The following FAT1 variants were observed in gnomAD, a reference collection of about 807,000 sequenced individuals.
FAT1 encodes FAT atypical cadherin 1, also known as protocadherin Fat 1.
FAT1 carries 171 observed loss-of-function variants against 329.8 expected under a neutral mutation model. That is an observed-to-expected ratio of 0.52 (90% CI 0.46 to 0.59). FAT1 has a LOEUF of 0.59. Among genes scored for constraint, FAT1 ranks in the 20% least tolerant of loss-of-function variants. FAT1 has a pLI of 0.00. For synonymous variants in FAT1, 2,233 were observed against 2,228.6 expected, an observed-to-expected ratio of 1.00 and a Z score of -0.06; for missense variants, 5,672 against 5,774.4, an observed-to-expected ratio of 0.98 and a Z score of 0.57.
upstream of FAT1, among the ~76,000 whole-genome samples, chr4:186,726,169 C>T (rs1170699219): frequency 2.0e-5 from 3 of 152,264 alleles, no homozygotes; most frequent in African/African-American, 7.2e-5. Context: ...ACTCCCAAAG[C>T]TATGCATACG....
At position 186,613,254 on chromosome 4, in the gene FAT1, G is replaced by C. The variant is rs768289698; in HGVS notation, c.9318C>G (p.Phe3106Leu). 1.7e-5 allele frequency: 28 copies of C among 1,613,994 alleles called. No individual in the cohort carries two copies. The highest frequency in any genetic ancestry group is 9.9e-5 in the South Asian group (9 of 91,084). ...GCGTGAGCACAATACTGGCTTGGCA[G>C]AATCTTCCTCCTCCATCTGTGGCCC... ...LVRATDGGGR[F>L]CQASIVLTLE... Residue 3106 changes from phenylalanine to leucine, a missense_variant, in exon 13 of 27, where the codon TTC (phenylalanine) becomes TTG (leucine). By Grantham distance (22) the Phe-to-Leu change is conservative. This residue lies in a region of FAT1 where 3,966 missense variants were observed against 3,915.2 expected (regional missense o/e 1.01). Transcript: ENST00000441802.
At chr4:186,657,416 A>G (rs1208673386) in intron 3 of FAT1, among the ~76,000 whole-genome samples, 1 of 152,208 alleles carries the variant, frequency 6.6e-6, no homozygotes, top group Non-Finnish European at 1.5e-5. Context: ...TCACCAAGAT[A>G]AAATTCCAGG....
At chr4:186,614,884 C>T (rs1034364941) in intron 11 of FAT1, among the ~76,000 whole-genome samples, 1 of 152,120 alleles carries the variant, frequency 6.6e-6, no homozygotes, top group African/African-American at 2.4e-5. Flanking sequence ...CCTTCTACTG[C>T]CCTGCGTGAT....
chr4:186,678,877 A>G (rs1474080242), intron 2 of FAT1, among the ~76,000 whole-genome samples: 1 of 152,158 alleles, frequency 6.6e-6, no homozygotes, highest in African/African-American at 2.4e-5. Context: ...TTATTCTACT[A>G]TAAAGACACA....
At chr4:186,641,744 C>A (rs1741105712) in intron 3 of FAT1, among the ~76,000 whole-genome samples, 1 of 152,202 alleles carries the variant, frequency 6.6e-6, no homozygotes, top group Admixed American at 6.5e-5. Context: ...TGGTGGCTCA[C>A]ACCTGTAATC....
Position 186,621,283 on chromosome 4 carries a change from G to A in FAT1, c.5303C>T (p.Ala1768Val), listed in dbSNP as rs1204880801. The A allele has an allele frequency of 1.2e-6, 2 of 1,613,876 alleles. No homozygotes were observed. Among genetic ancestry groups the A allele is most frequent in the African/African-American group, 2.7e-5 (2 of 74,912 alleles). Residue 1768 changes from alanine to valine, a missense_variant, in exon 10 of 27, where the codon GCA (alanine) becomes GTA (valine). Transcript: ENST00000441802. Reference sequence around the variant, plus strand: ...TTCACTAATGAGTCCTGTATATTCTGCCTGCATAAAAACTGGCGCGTTGTC... The same window carrying A: ...TTCACTAATGAGTCCTGTATATTCTACCTGCATAAAAACTGGCGCGTTGTC... ...ENDNAPVFMQAEYTGLISESA... is the reference protein window; with the variant it reads ...ENDNAPVFMQVEYTGLISESA...
intron 25 of FAT1, 100 bp from the exon 26 acceptor site, chr4:186,595,926 G>A: frequency 8.1e-7 from 1 of 1,232,030 alleles, no homozygotes; most frequent in South Asian, 1.4e-5. Flanking sequence ...GATGGCCTGA[G>A]ATTTACTCAA....
chr4:186,676,339 C>T (rs561978739), intron 2 of FAT1, among the ~76,000 whole-genome samples: 7 of 150,014 alleles, frequency 4.7e-5, no homozygotes, highest in East Asian at 1.9e-4. Flanking sequence ...GCGAGTTATA[C>T]GGATGAGTTA....
In FAT1 at chr4:186,599,911, C is replaced by T. The variant is rs755693458; in HGVS notation, c.12090G>A (p.Pro4030=). 38 of 1,610,056 alleles carry T rather than the reference C, an allele frequency of 2.4e-5. No homozygotes were observed. The highest frequency in any genetic ancestry group is 1.1e-4 in the African/African-American group (8 of 74,806). The part of the protein sequence containing the change: ...NPCQNGGVCN[P]SPAGGYYCKC... ...TACGGAGCCCACCTCCAGCAGGTGA[C>T]GGATTGCAAACGCCTCCATTCTGGC... The change falls in exon 22 of 27, where the codon CCG becomes CCA. Residue 4030 remains proline, a synonymous_variant. Transcript: ENST00000441802.
intron 2 of FAT1, among the ~76,000 whole-genome samples, chr4:186,667,747 C>T (rs1391097257): frequency 6.6e-6 from 1 of 152,186 alleles, no homozygotes; most frequent in African/African-American, 2.4e-5. Flanking sequence ...TGATTTTCAT[C>T]CCAGCTTTAC....
intron 1 of FAT1, among the ~76,000 whole-genome samples, chr4:186,722,236 CAA>C (rs1745500591): frequency 2.6e-5 from 4 of 152,206 alleles, no homozygotes; most frequent in Non-Finnish European, 4.4e-5. Flanking sequence ...TCAAAAGAGA[CAA>C]ATGAATATAC....
At chr4:186,592,127 T>C (rs1159256672) in intron 26 of FAT1, among the ~76,000 whole-genome samples, 5 of 152,230 alleles carry the variant, frequency 3.3e-5, no homozygotes, top group Admixed American at 3.3e-4. Flanking sequence ...TGAATTTCAG[T>C]GCACTAATAA....
rs35216841 is a variant in FAT1, at chr4:186,604,438, A to G, written c.10487T>C (p.Val3496Ala). ...CTTGATGGCAGATGATGTCAGGAGGACTCCTTGCGGGTTAACTTCAAAAGC... is the reference window on the plus strand; with the variant it reads ...CTTGATGGCAGATGATGTCAGGAGGGCTCCTTGCGGGTTAACTTCAAAAGC... Reference protein sequence around the residue: ...EKAFEVNPQGVLLTSSAIKRK... With the variant: ...EKAFEVNPQGALLTSSAIKRK... The change falls in exon 18 of 27, where the codon GTC becomes GCC. Residue 3496 changes from valine (V) to alanine (A), a missense_variant. Around this residue, in one of 2 missense-constraint regions of FAT1, gnomAD observed 1,706 missense variants for 1,859.1 expected, o/e 0.92. Transcript: ENST00000441802. 3,267 of 1,613,692 alleles carry G rather than the reference A, an allele frequency of 2.0e-3. 47 individuals carry two copies. In the African/African-American group the frequency reaches 0.035, roughly 17 times the overall value.
chr4:186,637,174 C>T (rs1740874896), intron 4 of FAT1, among the ~76,000 whole-genome samples: 1 of 152,116 alleles, frequency 6.6e-6, no homozygotes, highest in South Asian at 2.1e-4. Context: ...TTCCTGACCA[C>T]GCAGGCTCTC....
intron 2 of FAT1, among the ~76,000 whole-genome samples, chr4:186,703,034 A>G (rs1490044180): frequency 6.6e-6 from 1 of 152,156 alleles, no homozygotes; most frequent in East Asian, 1.9e-4. Flanking sequence ...GACTTTCCAA[A>G]TAATTGTTCA....
chr4:186,607,540 T>C (rs893280629), intron 16 of FAT1, among the ~76,000 whole-genome samples: 4 of 151,648 alleles, frequency 2.6e-5, no homozygotes, highest in African/African-American at 9.7e-5. Context: ...GGTAGGTGGA[T>C]GGATGGATAA....
chr4:186,683,514 T>C (rs751534437), intron 2 of FAT1, among the ~76,000 whole-genome samples: 4 of 152,180 alleles, frequency 2.6e-5, no homozygotes, highest in Non-Finnish European at 5.9e-5. Context: ...AAGCCTTCTT[T>C]CACCCTCTCA....
intron 3 of FAT1, among the ~76,000 whole-genome samples, chr4:186,645,983 A>ACACC (rs1741365309): frequency 6.8e-6 from 1 of 147,770 alleles, no homozygotes; most frequent in African/African-American, 2.6e-5. Flanking sequence ...ACACACACAC[A>ACACC]CACACACACA....
rs905514850 is a variant in FAT1 at position 186,636,776 on chromosome 4, C to T, written c.3781G>A (p.Asp1261Asn). Residue 1261 changes from aspartate (D) to asparagine (N), a missense_variant, in exon 5 of 27, where the codon GAC (aspartate) becomes AAC (asparagine). Physicochemically the swap from Asp to Asn is conservative, Grantham distance 23 (BLOSUM62 1). Transcript: ENST00000441802. ...TCCCGTCTGGCATTTCTTTCTCGGT[C>T]TGGCTTTTCCCGCTCAGGGAGTCTG... ...KIRLPEREKP[D>N]RERNARREPL... 21 of 1,613,854 alleles carry T rather than the reference C, an allele frequency of 1.3e-5. No homozygotes were observed. The Admixed American group carries it at 3.2e-4, about 24-fold the overall frequency.
Sources: allele counts gnomAD v4.1 joint callset (sites outside exome capture counted in the v4.1 genomes callset), GRCh38; gene constraint gnomAD v4.1.1; regional missense constraint gnomAD v4.1.1; transcripts MANE v1.5; gene names NCBI Gene and HGNC (gene_info 2026-07-23, HGNC 2026-07-21).